Variants in KRT73 observed in about 807,000 individuals in gnomAD.
KRT73 encodes keratin 73.
A neutral mutation model predicts 47.2 loss-of-function variants in KRT73; 44 were observed. The ratio of observed to expected loss-of-function variants is 0.93; its 90% confidence interval spans 0.73 to 1.20. The LOEUF (loss-of-function observed/expected upper bound fraction) is 1.20, where lower values mean the gene tolerates loss of function less well. KRT73 is among the 50% of genes most tolerant of loss of function. The pLI, the probability that KRT73 is intolerant of heterozygous loss-of-function variation, is 0.00. For missense variants in KRT73, 713 were observed against 704.5 expected, an observed-to-expected ratio of 1.01 and a Z score of -0.14; for synonymous variants, 285 against 291.3, an observed-to-expected ratio of 0.98 and a Z score of 0.22.
the KRT73 span, among the ~76,000 whole-genome samples, chr12:52,629,787 T>C: frequency 6.6e-6 from 1 of 152,200 alleles, no homozygotes; most frequent in African/African-American, 2.4e-5. Context: ...TCATAATTCA[T>C]AATTCAATCT....
chr12:52,615,434 T>G, intron 2 of KRT73, 95 bp from the exon 3 acceptor site: 1 of 984,576 alleles, frequency 1.0e-6, no homozygotes, highest in African/African-American at 1.6e-5. Flanking sequence ...CCATATTATA[T>G]GCCTTTTAAG....
upstream of KRT73, among the ~76,000 whole-genome samples, chr12:52,621,164 ACT>A (rs1163398979): frequency 6.6e-6 from 1 of 151,858 alleles, no homozygotes; most frequent in East Asian, 1.9e-4. Context: ...ACCAGGGGAA[ACT>A]CAATGCCAGA....
intron 6 of KRT73, 33 bp from the exon 7 acceptor site, chr12:52,610,868 T>A: frequency 6.4e-7 from 1 of 1,558,324 alleles, no homozygotes. Context: ...CTCCCTGAGT[T>A]CCTCCCTGGG....
chr12:52,620,109 CTTT>C (rs10638831), upstream of KRT73, among the ~76,000 whole-genome samples: 43 of 94,422 alleles, frequency 4.6e-4, no homozygotes, highest in African/African-American at 1.6e-3. Flanking sequence ...TCCTTTTTTT[CTTT>C]TTTTTTTTTT....
chr12:52,624,338 A>T, the KRT73 span, among the ~76,000 whole-genome samples: 1 of 152,096 alleles, frequency 6.6e-6, no homozygotes, highest in East Asian at 1.9e-4. Context: ...TTCCTTTCTC[A>T]CAGTCAATAG....
chr12:52,629,702 A>G, the KRT73 span, among the ~76,000 whole-genome samples: 2 of 152,196 alleles, frequency 1.3e-5, no homozygotes, highest in African/African-American at 4.8e-5. Flanking sequence ...TCGCATGAAA[A>G]CAGAATAATC....
upstream of KRT73, among the ~76,000 whole-genome samples, chr12:52,623,374 A>G (rs1446053106): frequency 4.6e-5 from 7 of 152,366 alleles, no homozygotes; most frequent in Admixed American, 2.6e-4. Context: ...TTCAGTGCCC[A>G]GTAAAAATAT....
At chr12:52,626,339 A>T in the KRT73 span, among the ~76,000 whole-genome samples, 1 of 152,366 alleles carries the variant, frequency 6.6e-6, no homozygotes, top group East Asian at 1.9e-4. Flanking sequence ...TGCAGAGTCC[A>T]TCCTTTTAAC....
chr12:52,621,073 C>T (rs1442683979), upstream of KRT73, among the ~76,000 whole-genome samples: 1 of 152,142 alleles, frequency 6.6e-6, no homozygotes, highest in African/African-American at 2.4e-5. Flanking sequence ...AACAGTATCC[C>T]TAGCACCTGT....
In KRT73 at chr12:52,618,410, G is replaced by C; in HGVS notation, c.115C>G (p.Leu39Val). The change falls in exon 1 of 9, where the codon CTC (leucine) becomes GTC (valine). Residue 39 changes from leucine (L) to valine (V), a missense_variant. Transcript: ENST00000305748. ...CTCCGACTGCTGAAGCCTCCACTGA[G>C]CCCTTTGCCCCCTGCTCGGTAGGAG... is the stretch of plus-strand genomic sequence containing the variant. ...SSSYRAGGKG[L>V]SGGFSSRSLY... The C allele has an allele frequency of 6.2e-7, 1 of 1,614,158 alleles. No individual in the cohort carries two copies. Among genetic ancestry groups the C allele is most frequent in the Non-Finnish European group, 8.5e-7 (1 of 1,180,034 alleles).
At chr12:52,610,908 G>T in intron 6 of KRT73, 73 bp from the exon 7 acceptor site, 1 of 1,309,834 alleles carries the variant, frequency 7.6e-7, no homozygotes, top group Admixed American at 1.9e-5. Context: ...TGCTCTCAAT[G>T]GTTGAGCCCT....
intron 5 of KRT73, 160 bp from the exon 6 acceptor site, chr12:52,611,489 A>C (rs573848089): frequency 2.6e-4 from 198 of 771,276 alleles, no homozygotes; most frequent in Non-Finnish European, 1.4e-4. Context: ...GCATTGGGCC[A>C]TTGCATTTGC....
upstream of KRT73, among the ~76,000 whole-genome samples, chr12:52,622,949 G>A (rs1015480688): frequency 2.0e-5 from 3 of 152,086 alleles, no homozygotes; most frequent in African/African-American, 4.8e-5. Flanking sequence ...CTGAACAACA[G>A]ACTGAAGAAG....
chr12:52,621,287 GA>G (rs1279616874), upstream of KRT73, among the ~76,000 whole-genome samples: 1 of 55,456 alleles, frequency 1.8e-5, no homozygotes, highest in South Asian at 1.1e-3. Context: ...AAGAGAGAAA[GA>G]AAGGGGGGGG....
chr12:52,630,247 G>A, the KRT73 span, among the ~76,000 whole-genome samples: 4 of 152,172 alleles, frequency 2.6e-5, no homozygotes, highest in Non-Finnish European at 5.9e-5. Flanking sequence ...CATACAGATG[G>A]GAAGGTTGAC....
intron 2 of KRT73, among the ~76,000 whole-genome samples, chr12:52,615,962 A>T (rs1357916504): frequency 6.6e-6 from 1 of 152,160 alleles, no homozygotes; most frequent in Admixed American, 6.5e-5. Flanking sequence ...CATGCCAAGG[A>T]GGGGATCACC....
the KRT73 span, among the ~76,000 whole-genome samples, chr12:52,628,967 T>G: frequency 2.0e-5 from 3 of 152,180 alleles, no homozygotes; most frequent in Admixed American, 1.3e-4. Context: ...TTCTGTGCCC[T>G]GAGTTGGAGA....
chr12:52,610,529 G>GGGGGGGGGCCCCCCC, intron 7 of KRT73, 86 bp downstream of exon 7: 1 of 295,156 alleles, frequency 3.4e-6, no homozygotes, highest in Non-Finnish European at 6.8e-6. Flanking sequence ...CCAGCTCGCC[G>GGGGGGGGGCCCCCCC]CCCCCTCCCC....
chr12:52,618,378 G>A lies in KRT73; in HGVS notation c.147C>T (p.Tyr49=), dbSNP rs1940855127. ...LSGGFSSRSL[Y]SLGGARSISF... ...AGATGCTCCGGGCACCCCCCAGGCT[G>A]TAAAGGCTCCGACTGCTGAAGCCTC... Residue 49 remains tyrosine, a synonymous_variant, in exon 1 of 9, where the codon TAC becomes TAT. Coordinates refer to ENST00000305748, the MANE Select transcript of KRT73 (RefSeq NM_175068.3). 2 of 1,614,208 alleles carry A rather than the reference G, an allele frequency of 1.2e-6. No homozygotes were observed. The highest frequency in any genetic ancestry group is 1.7e-5 in the Admixed American group (1 of 60,038).
Sources: allele counts gnomAD v4.1 joint callset (sites outside exome capture counted in the v4.1 genomes callset), GRCh38; gene constraint gnomAD v4.1.1; transcripts MANE v1.5; gene names NCBI Gene and HGNC (gene_info 2026-07-23, HGNC 2026-07-21).